PI4K2B: variants seen among roughly 807,000 people sequenced by gnomAD.
The protein encoded by PI4K2B is phosphatidylinositol 4-kinase type 2-beta.
In PI4K2B, 46 loss-of-function variants were observed where a neutral mutation model predicts 56.6. The ratio of observed to expected loss-of-function variants is 0.81; its 90% CI spans 0.64 to 1.04. The LOEUF is 1.04. Among genes scored for constraint, PI4K2B ranks in the 50% least tolerant of loss-of-function variants. The pLI is 0.00. For synonymous variants in PI4K2B, 211 were observed against 223.8 expected, an observed-to-expected ratio of 0.94 and a Z score of 0.51; for missense variants, 556 against 607.7, an observed-to-expected ratio of 0.91 and a Z score of 0.89.
chr4:25,264,530 A>C (rs1450940395), intron 7 of PI4K2B, among the ~76,000 whole-genome samples: 1 of 152,066 alleles, frequency 6.6e-6, no homozygotes, highest in Non-Finnish European at 1.5e-5. Flanking sequence ...GTAATGATTG[A>C]GTTAACATGG....
chr4:25,236,308 G>T (rs1452478074), intron 1 of PI4K2B, among the ~76,000 whole-genome samples: 1 of 151,990 alleles, frequency 6.6e-6, no homozygotes, highest in African/African-American at 2.4e-5. Flanking sequence ...CCAGCATTTT[G>T]GAAGGCCTAG....
intron 1 of PI4K2B, among the ~76,000 whole-genome samples, chr4:25,248,029 A>G (rs1163512896): frequency 6.6e-6 from 1 of 152,134 alleles, no homozygotes; most frequent in African/African-American, 2.4e-5. Flanking sequence ...TTTTCTGGAA[A>G]ATATTCTGGT....
In PI4K2B at chr4:25,265,206, A is replaced by AAAAG. The variant is rs1465057063; in HGVS notation, c.1078+1360_1078+1361insGAAA. On this transcript the variant is annotated intron_variant, in intron 7 of 9. Coordinates refer to ENST00000264864, the MANE Select transcript of PI4K2B (RefSeq NM_018323.4). ...GTAAATCTCTGTCTCACCAAAAAAA[A>AAAAG]AAAAAAAAAAAAAAATTTGTATCCA... Among the ~76,000 whole-genome samples, 10 of 150,368 alleles carry AAAAG rather than the reference A, an allele frequency of 6.7e-5. 1 individual carries two copies. The South Asian group carries it at 2.1e-3, about 31-fold the overall frequency.
In PI4K2B at chr4:25,258,891, T is replaced by C. The variant is rs114421605; in HGVS notation, c.757-146T>C. 2.9e-3 allele frequency: 1,354 copies of C among 467,432 alleles called. 19 individuals carry two copies. Among genetic ancestry groups the C allele is most frequent in the African/African-American group, 0.024 (1,236 of 50,686 alleles). The allele number at this position is 467,432 out of a possible 1,614,324, so 29.0% of individuals were successfully genotyped here. On this transcript the variant is annotated intron_variant, in intron 4 of 9. Transcript: ENST00000264864. ...AAATTAGTGTATAAAAATGGTTTTC[T>C]TGATAAATGTGGCTTATCTAAATTA...
intron 7 of PI4K2B, chr4:25,267,932 A>T: frequency 1.1e-6 from 1 of 922,868 alleles, no homozygotes; most frequent in Non-Finnish European, 1.3e-6. Flanking sequence ...TGTGGTATTC[A>T]ATCTGTGCCC....
chr4:25,270,129 T>C (rs1716825965), intron 9 of PI4K2B, among the ~76,000 whole-genome samples: 1 of 152,176 alleles, frequency 6.6e-6, no homozygotes, highest in African/African-American at 2.4e-5. Context: ...CACTACCTTT[T>C]TCCCTCTCAG....
intron 1 of PI4K2B, among the ~76,000 whole-genome samples, chr4:25,235,319 C>T (rs1332363817): frequency 6.6e-6 from 1 of 152,210 alleles, no homozygotes; most frequent in African/African-American, 2.4e-5. Flanking sequence ...TTTATCGCTT[C>T]ACACATGACA....
At chr4:25,249,597 C>T (rs1184343091) in intron 1 of PI4K2B, among the ~76,000 whole-genome samples, 3 of 147,202 alleles carry the variant, frequency 2.0e-5, no homozygotes, top group East Asian at 2.0e-4. Context: ...GGCTGCTGGG[C>T]GGAGGGGCTC....
At position 25,234,273 on chromosome 4, in the gene PI4K2B, A is replaced by T. The variant is rs922603173; in HGVS notation, c.110A>T (p.His37Leu). 2 of 1,421,248 alleles carry T rather than the reference A, an allele frequency of 1.4e-6. No homozygotes were observed. Among genetic ancestry groups the T allele is most frequent in the Non-Finnish European group, 1.8e-6 (2 of 1,083,686 alleles). The allele number at this position is 1,421,248 out of a possible 1,614,324, so 88.0% of individuals were successfully genotyped here. A position where few individuals can be genotyped will look rare whatever the true frequency, so the allele number is the denominator to read the frequency against. The change falls in exon 1 of 10, where the codon CAC (histidine) becomes CTC (leucine). Residue 37 changes from histidine to leucine, a missense_variant. His to Leu is a moderately conservative substitution (Grantham distance 99, BLOSUM62 -3). Coordinates refer to ENST00000264864, the MANE Select transcript of PI4K2B (RefSeq NM_018323.4). ...EPLLPRIAWA[H>L]PRRGAPGSAV... is the part of the protein sequence containing the mutation. Reference sequence around the variant, plus strand: ...CTGCTACCGCGGATCGCCTGGGCCCACCCGCGGAGAGGCGCCCCAGGCAGC... The same window carrying T: ...CTGCTACCGCGGATCGCCTGGGCCCTCCCGCGGAGAGGCGCCCCAGGCAGC...
intron 7 of PI4K2B, among the ~76,000 whole-genome samples, chr4:25,266,668 A>G (rs745768065): frequency 6.6e-6 from 1 of 152,212 alleles, no homozygotes; most frequent in Non-Finnish European, 1.5e-5. Flanking sequence ...AATTTTACCA[A>G]ACATGCAGTT....
At chr4:25,250,296 G>A (rs546591751) in intron 1 of PI4K2B, among the ~76,000 whole-genome samples, 1 of 152,278 alleles carries the variant, frequency 6.6e-6, no homozygotes, top group East Asian at 1.9e-4. Flanking sequence ...CCTTTGCAAG[G>A]ACATGAATGG....
intron 6 of PI4K2B, 100 bp from the exon 7 acceptor site, chr4:25,263,650 A>T: frequency 2.0e-6 from 1 of 488,402 alleles, no homozygotes; most frequent in Non-Finnish European, 3.7e-6. Context: ...CTCATCCGAG[A>T]GAATATGTTC....
chr4:25,238,817 C>A (rs1017473067), intron 1 of PI4K2B, among the ~76,000 whole-genome samples: 4 of 152,128 alleles, frequency 2.6e-5, no homozygotes, highest in African/African-American at 9.7e-5. Context: ...ACAAAGCTTC[C>A]ACAGTGTGGA....
Position 25,234,430 on chromosome 4 carries a change from AG to A in PI4K2B, c.268+1del. 1 of 1,338,092 alleles carries A rather than the reference AG, an allele frequency of 7.5e-7. No homozygotes were observed. The highest frequency in any genetic ancestry group is 9.6e-7 in the Non-Finnish European group (1 of 1,044,086). The allele number at this position is 1,338,092 out of a possible 1,614,324, so 82.9% of individuals were successfully genotyped here. A position where few individuals can be genotyped will look rare whatever the true frequency, so the allele number is the denominator to read the frequency against. On this transcript the variant is annotated frameshift_variant and splice_region_variant, in exon 1 of 10. Transcript: ENST00000264864. LOFTEE classifies it high-confidence loss of function. Reference sequence around the variant, plus strand: ...TGGACCGGAGCCGCCCCGCGGTTTCAGGTGCGACCCGGCCCTGCCCCACTCC... The same window carrying A: ...TGGACCGGAGCCGCCCCGCGGTTTCAGTGCGACCCGGCCCTGCCCCACTCC... ...ELDRSRPAVS[V>X]TIGTSEMNAF...
Position 25,277,067 on chromosome 4 carries a change from A to T in PI4K2B, c.1326A>T (p.Val442=), listed in dbSNP as rs145324681. 209 of 1,613,332 alleles carry T rather than the reference A, an allele frequency of 1.3e-4. No individual in the cohort carries two copies. The highest frequency in any genetic ancestry group is 1.7e-4 in the Non-Finnish European group (203 of 1,179,516). The stretch of plus-strand genomic sequence containing the variant: ...ACGGGAAGAGTCCTTTCCAGCTAGT[A>T]CAGATACCTTGTGTGATTGTGGAAC... ...LRDGKSPFQL[V]QIPCVIVERS... is the part of the protein sequence containing the mutation. Residue 442 remains valine (V), a synonymous_variant, in exon 10 of 10, where the codon GTA becomes GTT. Coordinates refer to ENST00000264864, the MANE Select transcript of PI4K2B (RefSeq NM_018323.4).
At chr4:25,248,909 G>A (rs1039797891) in intron 1 of PI4K2B, among the ~76,000 whole-genome samples, 6 of 152,170 alleles carry the variant, frequency 3.9e-5, no homozygotes, top group Non-Finnish European at 7.3e-5. Context: ...AAGGTCAGCA[G>A]ATAAACATGT....
In PI4K2B at chr4:25,245,850, T is replaced by G. The variant is rs190888574; in HGVS notation, c.269-6471T>G. On this transcript the variant is annotated intron_variant, in intron 1 of 9. Transcript: ENST00000264864. Reference sequence around the variant, plus strand: ...GTCCCTTTGTTTAGCAATGGGCAGTTGTCTCACTGCTTGGCGAGTCTCACT... The same window carrying G: ...GTCCCTTTGTTTAGCAATGGGCAGTGGTCTCACTGCTTGGCGAGTCTCACT... 1.2e-3 allele frequency among the ~76,000 whole-genome samples: 178 copies of G among 152,220 alleles called. 2 individuals are homozygous for G. In the South Asian group the frequency reaches 0.022, roughly 18 times the overall value.
At chr4:25,263,272 G>A (rs1395204187) in intron 6 of PI4K2B, among the ~76,000 whole-genome samples, 1 of 152,000 alleles carries the variant, frequency 6.6e-6, no homozygotes, top group Non-Finnish European at 1.5e-5. Flanking sequence ...CCTTCTACTA[G>A]ATCTTATATT....
chr4:25,247,689 A>G (rs1301111017), intron 1 of PI4K2B, among the ~76,000 whole-genome samples: 1 of 152,170 alleles, frequency 6.6e-6, no homozygotes, highest in East Asian at 1.9e-4. Flanking sequence ...CAATGCACCA[A>G]ATTTGTGAAC....
Sources: allele counts gnomAD v4.1 joint callset (sites outside exome capture counted in the v4.1 genomes callset), GRCh38; gene constraint gnomAD v4.1.1; transcripts MANE v1.5; gene names NCBI Gene and HGNC (gene_info 2026-07-23, HGNC 2026-07-21).